The following JPH1 variants were observed in gnomAD, a reference collection of about 807,000 sequenced individuals.
JPH1 encodes junctophilin-1.
JPH1 carries 12 observed loss-of-function variants against 53.6 expected under a neutral mutation model. The observed-to-expected ratio is 0.22, with a 90% CI of 0.14 to 0.36. The LOEUF is 0.36. Ranked by LOEUF, JPH1 falls within the 10% of genes least tolerant of loss-of-function variation. The probability of loss-of-function intolerance (pLI) is 1.00; values close to 1 mark genes in which losing one functional copy is unlikely to be tolerated. For missense variants in JPH1, 808 were observed against 905.5 expected (o/e 0.89, Z 1.38); for synonymous variants, 375 against 363.8 (o/e 1.03, Z -0.35).
At chr8:74,241,981 T>A (rs1463706413) in intron 4 of JPH1, among the ~76,000 whole-genome samples, 1 of 152,168 alleles carries the variant, frequency 6.6e-6, no homozygotes, top group Non-Finnish European at 1.5e-5. Context: ...TCTACAAAAA[T>A]TTCGGGATCA....
At chr8:74,286,985 A>G (rs1464831888) in intron 2 of JPH1, among the ~76,000 whole-genome samples, 2 of 152,242 alleles carry the variant, frequency 1.3e-5, no homozygotes, top group African/African-American at 2.4e-5. Context: ...AACACCTGTA[A>G]TGACAAGAGT....
At position 74,244,970 on chromosome 8, in the gene JPH1, G is replaced by A; in HGVS notation, c.1464C>T (p.Pro488=). ...SSPKPLKKQN[P]SSGARLNQDK... ...CTTGGTTGAGTCTCGCCCCTGAGCTGGGGTTTTGCTTCTTCAGGGGCTTTG... is the reference window on the plus strand; with the variant it reads ...CTTGGTTGAGTCTCGCCCCTGAGCTAGGGTTTTGCTTCTTCAGGGGCTTTG... The change falls in exon 4 of 6, where the codon CCC becomes CCT. Residue 488 remains proline (P), a synonymous_variant. Coordinates refer to ENST00000342232, the MANE Select transcript of JPH1 (RefSeq NM_020647.4). 6.2e-7 allele frequency: 1 copy of A among 1,614,110 alleles called. No individual in the cohort carries two copies.
Position 74,255,086 on chromosome 8 carries a change from A to C in JPH1, c.1258+4299T>G, listed in dbSNP as rs374707090. 8.0e-3 allele frequency among the ~76,000 whole-genome samples: 1,215 copies of C among 152,316 alleles called. 8 individuals are homozygous for C. The highest frequency in any genetic ancestry group is 0.027 in the East Asian group (139 of 5,188). ...AACCAAAAAAGAGCCTGCATTGCCA[A>C]GTCAATCCTAAGCCAAAAGAACAAA... On this transcript the variant is annotated intron_variant, in intron 3 of 5. Transcript: ENST00000342232.
chr8:74,291,468 C>G (rs1248676451), intron 2 of JPH1, among the ~76,000 whole-genome samples: 1 of 152,138 alleles, frequency 6.6e-6, no homozygotes, highest in Non-Finnish European at 1.5e-5. Flanking sequence ...ATTAAAAAGT[C>G]AGGAAACAAC....
At chr8:74,270,936 T>C (rs569107574) in intron 2 of JPH1, among the ~76,000 whole-genome samples, 8 of 152,276 alleles carry the variant, frequency 5.3e-5, no homozygotes, top group African/African-American at 1.7e-4. Context: ...GTGGGATGGA[T>C]GGACTCCTGC....
chr8:74,297,456 T>G (rs1448849625), intron 2 of JPH1, among the ~76,000 whole-genome samples: 2 of 152,196 alleles, frequency 1.3e-5, no homozygotes, highest in African/African-American at 4.8e-5. Context: ...TCAGCTCCCC[T>G]TGCTCTTGTT....
intron 3 of JPH1, among the ~76,000 whole-genome samples, chr8:74,247,331 C>T (rs1404034675): frequency 6.6e-6 from 1 of 152,160 alleles, no homozygotes; most frequent in Non-Finnish European, 1.5e-5. Context: ...AAATACCCAT[C>T]TAGGTATGGT....
Position 74,315,668 on chromosome 8 carries a change from C to T in JPH1, c.380-48G>A. 6.5e-7 allele frequency: 1 copy of T among 1,528,324 alleles called. No homozygotes were observed. Among genetic ancestry groups the T allele is most frequent in the Non-Finnish European group, 8.8e-7 (1 of 1,139,150 alleles). The allele number at this position is 1,528,324 out of a possible 1,614,324, so 94.7% of individuals were successfully genotyped here. On this transcript the variant is annotated intron_variant, in intron 1 of 5. Transcript: ENST00000342232. This position sits in a 1 kb window ranked among gnomAD's most constrained non-coding sequence, Gnocchi z 6.3. The stretch of plus-strand genomic sequence containing the variant: ...ACCGTGAGTCGGGGGCAGAGCTGCA[C>T]CGTCACCTGCACCATCCAGCGCACA...
chr8:74,248,560 C>T (rs972843365), intron 3 of JPH1, among the ~76,000 whole-genome samples: 4 of 152,178 alleles, frequency 2.6e-5, no homozygotes, highest in East Asian at 1.9e-4. Context: ...GGTTATATTG[C>T]TTGGTTCATA....
Position 74,315,610 on chromosome 8 carries a change from C to G in JPH1, c.390G>C (p.Gln130His). The change falls in exon 2 of 6, where the codon CAG becomes CAC. Residue 130 changes from glutamine (Q) to histidine (H), a missense_variant. Around this residue, in one of 2 missense-constraint regions of JPH1, gnomAD observed 756 missense variants for 811.9 expected, o/e 0.93. Transcript: ENST00000342232. This position sits in a 1 kb window ranked among gnomAD's most constrained non-coding sequence, Gnocchi z 6.3. ...GCCGCATGCCTCCGGCCCACTGGCC[C>G]TGGTAGGTACCTTGGAGAGACCGCA... ...VETYGDGGTY[Q>H]GQWAGGMRHG... is the part of the protein sequence containing the mutation. 1 of 1,599,408 alleles carries G rather than the reference C, an allele frequency of 6.3e-7. No individual in the cohort carries two copies. Among genetic ancestry groups the G allele is most frequent in the Non-Finnish European group, 8.5e-7 (1 of 1,176,916 alleles).
At chr8:74,288,395 C>G (rs1380505843) in intron 2 of JPH1, among the ~76,000 whole-genome samples, 1 of 152,126 alleles carries the variant, frequency 6.6e-6, no homozygotes, top group Admixed American at 6.6e-5. Context: ...ATGTCATCAG[C>G]AAGGAGTAAG....
At chr8:74,290,659 C>G (rs1586761203) in intron 2 of JPH1, among the ~76,000 whole-genome samples, 1 of 152,132 alleles carries the variant, frequency 6.6e-6, no homozygotes, top group African/African-American at 2.4e-5. Context: ...CCAAAAAAGA[C>G]CCCACATTGC....
chr8:74,293,965 T>G (rs1257484968), intron 2 of JPH1, among the ~76,000 whole-genome samples: 1 of 152,162 alleles, frequency 6.6e-6, no homozygotes, highest in Admixed American at 6.5e-5. Flanking sequence ...GTGTCTCTTT[T>G]GTAGAGCGCA....
intron 2 of JPH1, among the ~76,000 whole-genome samples, chr8:74,289,562 A>G (rs1020310482): frequency 2.0e-5 from 3 of 152,106 alleles, no homozygotes; most frequent in African/African-American, 7.2e-5. Context: ...TGCTCTACTT[A>G]GCACACTCTC....
intron 5 of JPH1, 86 bp from the exon 6 acceptor site, chr8:74,237,121 G>A (rs893066218): frequency 1.7e-5 from 14 of 831,066 alleles, no homozygotes; most frequent in Non-Finnish European, 2.6e-5. Flanking sequence ...AGGACAATAC[G>A]TCATTGTTAA....
chr8:74,318,960 T>A (rs1808238603), intron 1 of JPH1, among the ~76,000 whole-genome samples: 1 of 152,190 alleles, frequency 6.6e-6, no homozygotes, highest in South Asian at 2.1e-4. Context: ...GTAGTGATTT[T>A]TAAGGTTTTT....
intron 2 of JPH1, among the ~76,000 whole-genome samples, chr8:74,306,883 C>T (rs1472699729): frequency 1.3e-5 from 2 of 152,044 alleles, no homozygotes; most frequent in Non-Finnish European, 2.9e-5. Flanking sequence ...GGATGTGAGC[C>T]ACCACGCCCG....
At position 74,309,783 on chromosome 8, in the gene JPH1, G is replaced by A. The variant is rs572828818; in HGVS notation, c.1139+5078C>T. 7.2e-5 allele frequency among the ~76,000 whole-genome samples: 11 copies of A among 152,304 alleles called. No homozygotes were observed. The South Asian group carries it at 2.1e-3, about 29-fold the overall frequency. On this transcript the variant is annotated intron_variant, in intron 2 of 5. Transcript: ENST00000342232. ...CCTAAGAAATAGAATGCAAACAACA[G>A]GAATGGTGGGATGATCTTGGGCAGA... is the stretch of plus-strand genomic sequence containing the variant.
chr8:74,293,559 C>T (rs776967537), intron 2 of JPH1, among the ~76,000 whole-genome samples: 1 of 152,162 alleles, frequency 6.6e-6, no homozygotes, highest in Non-Finnish European at 1.5e-5. Context: ...GAACCACTAC[C>T]CCATCATGCA....
Sources: gnomAD v4.1 joint callset for allele counts (sites outside exome capture counted in the v4.1 genomes callset) on GRCh38, gnomAD v4.1.1 for gene constraint, gnomAD v4.1.1 regional missense constraint, Gnocchi (gnomAD v3.1) non-coding constraint, MANE v1.5 for transcripts, NCBI Gene and HGNC (gene_info 2026-07-23, HGNC 2026-07-21) for gene names.